KLHL21: variants seen among roughly 807,000 people sequenced by gnomAD.
The protein encoded by KLHL21 is kelch like family member 21, also known as kelch-like protein 21.
Under a neutral mutation model 44.1 loss-of-function variants are expected in KLHL21, and 42 were observed. The observed-to-expected ratio is 0.95, with a 90% confidence interval of 0.74 to 1.23. The LOEUF (loss-of-function observed/expected upper bound fraction) is 1.23, where lower values mean the gene tolerates loss of function less well. KLHL21 is among the 50% of genes most tolerant of loss of function. KLHL21 has a pLI of 0.00. For synonymous variants in KLHL21, 524 were observed against 411.6 expected, an observed-to-expected ratio of 1.27 and a Z score of -3.31; for missense variants, 918 against 889.1, an observed-to-expected ratio of 1.03 and a Z score of -0.41.
chr1:6,597,475 G>A (rs1036459069), intron 2 of KLHL21, among the ~76,000 whole-genome samples: 1 of 152,214 alleles, frequency 6.6e-6, no homozygotes, highest in Non-Finnish European at 1.5e-5. Context: ...GGAGAGCCGG[G>A]CAAAGGGTCA....
Position 6,599,187 on chromosome 1 carries a change from G to A in KLHL21, c.1287C>T (p.Ser429=). Residue 429 remains serine, a synonymous_variant, in exon 2 of 4, where the codon TCC becomes TCT. Coordinates refer to ENST00000377658, the MANE Select transcript of KLHL21 (RefSeq NM_014851.4). ...ACRGRLYAIG[S]LAGKETMVMQ... The stretch of plus-strand genomic sequence containing the variant: ...TCACCATGGTCTCCTTGCCAGCCAG[G>A]GAGCCGATGGCATAGAGCCGGCCAC... 3.7e-6 allele frequency: 6 copies of A among 1,614,158 alleles called. No homozygotes were observed. The highest frequency in any genetic ancestry group is 3.4e-6 in the Non-Finnish European group (4 of 1,180,034).
chr1:6,596,759 C>A (rs988725384), intron 2 of KLHL21, among the ~76,000 whole-genome samples: 4 of 152,198 alleles, frequency 2.6e-5, no homozygotes, highest in African/African-American at 9.7e-5. Context: ...AGCCCAGAGG[C>A]TGGACAGAGC....
rs764228027 is a variant in KLHL21 at position 6,602,510 on chromosome 1, C to A, written c.308G>T (p.Gly103Val). The change falls in exon 1 of 4, where the codon GGC (glycine) becomes GTC (valine). Residue 103 changes from glycine to valine, a missense_variant. Transcript: ENST00000377658. Reference protein sequence around the residue: ...FSYTGRVAVSGDNAEPLLRAA... With the variant: ...FSYTGRVAVSVDNAEPLLRAA... ...GCGCAGCAGCGGCTCAGCGTTGTCG[C>A]CGCTTACCGCCACGCGGCCCGTGTA... 55 of 1,544,254 alleles carry A rather than the reference C, an allele frequency of 3.6e-5. No individual in the cohort carries two copies. The highest frequency in any genetic ancestry group is 4.2e-5 in the Non-Finnish European group (48 of 1,150,926).
chr1:6,601,066 T>C (rs577015833), intron 1 of KLHL21, among the ~76,000 whole-genome samples: 10 of 152,296 alleles, frequency 6.6e-5, no homozygotes, highest in African/African-American at 1.9e-4. Context: ...TTTCCTTATA[T>C]AGCAGTCACA....
rs1160927322 is a variant in KLHL21, at chr1:6,590,808, T to C, written c.*2557A>G. 6 of 397,220 alleles carry C rather than the reference T, an allele frequency of 1.5e-5. No homozygotes were observed. Among genetic ancestry groups the C allele is most frequent in the Non-Finnish European group, 2.2e-5 (5 of 225,576 alleles). 24.6% of individuals were successfully genotyped at this position (397,220 alleles called of 1,614,324 possible). ...ATTCTGGACATGGAAGCCTACAGAA[T>C]AGACAAAAATAAATATGTCAACCTG... On this transcript the variant is annotated 3_prime_UTR_variant, in exon 4 of 4. Transcript: ENST00000377658.
In KLHL21 at chr1:6,591,407, A is replaced by G. The variant is rs1479262687; in HGVS notation, c.*1958T>C. On this transcript the variant is annotated 3_prime_UTR_variant, in exon 4 of 4. Transcript: ENST00000377658. ...CAAAGCCGCAAAAAAGACTGAGAAA[A>G]CAGGAACCCAGAGTTCCACAGGGGC... The G allele has an allele frequency of 5.9e-6, 1 of 169,686 alleles. No homozygotes were observed. Among genetic ancestry groups the G allele is most frequent in the Admixed American group, 6.3e-5 (1 of 15,764 alleles). 10.5% of individuals were successfully genotyped at this position (169,686 alleles called of 1,614,324 possible). A position where few individuals can be genotyped will look rare whatever the true frequency, so the allele number is the denominator to read the frequency against.
chr1:6,602,055 G>C lies in KLHL21; in HGVS notation c.763C>G (p.Arg255Gly). 1 of 1,520,032 alleles carries C rather than the reference G, an allele frequency of 6.6e-7. No homozygotes were observed. 94.2% of individuals were successfully genotyped at this position (1,520,032 alleles called of 1,614,324 possible). A position where few individuals can be genotyped will look rare whatever the true frequency, so the allele number is the denominator to read the frequency against. Residue 255 changes from arginine to glycine, a missense_variant, in exon 1 of 4, where the codon CGC (arginine) becomes GGC (glycine). Physicochemically the swap from Arg to Gly is moderately radical, Grantham distance 125. Transcript: ENST00000377658. ...ARCPPCLRLL[R>G]EARDFQAARY... Reference sequence around the variant, plus strand: ...GCCGCCTGGAAGTCGCGCGCCTCGCGCAGCAGGCGCAGGCAGGGTGGGCAG... The same window carrying C: ...GCCGCCTGGAAGTCGCGCGCCTCGCCCAGCAGGCGCAGGCAGGGTGGGCAG...
Position 6,593,281 on chromosome 1 carries a change from T to G in KLHL21, c.*84A>C. On this transcript the variant is annotated 3_prime_UTR_variant, in exon 4 of 4. Transcript: ENST00000377658. ...CTGTGCTCCTCCTGTGAGCCCAACGTGTCCTTGTGCACAAAGGAGTGGGGC... is the reference window on the plus strand; with the variant it reads ...CTGTGCTCCTCCTGTGAGCCCAACGGGTCCTTGTGCACAAAGGAGTGGGGC... The G allele has an allele frequency of 1.4e-6, 2 of 1,381,808 alleles. No homozygotes were observed. The highest frequency in any genetic ancestry group is 2.0e-6 in the Non-Finnish European group (2 of 1,025,368). 85.6% of individuals were successfully genotyped at this position (1,381,808 alleles called of 1,614,324 possible). A position where few individuals can be genotyped will look rare whatever the true frequency, so the allele number is the denominator to read the frequency against.
At chr1:6,593,898 TC>T in intron 3 of KLHL21, 1 of 1,298,818 alleles carries the variant, frequency 7.7e-7, no homozygotes. Context: ...GCGCCAGGCC[TC>T]CCCGTGTGCA....
At chr1:6,593,702 T>C in intron 3 of KLHL21, 44 bp from the exon 4 acceptor site, 2 of 1,521,010 alleles carry the variant, frequency 1.3e-6, no homozygotes, top group Non-Finnish European at 1.8e-6. Context: ...GAGGAGAGGG[T>C]AGGGCAGGGC....
intron 2 of KLHL21, among the ~76,000 whole-genome samples, chr1:6,598,247 C>T (rs1002078784): frequency 2.0e-5 from 3 of 152,124 alleles, no homozygotes; most frequent in African/African-American, 7.2e-5. Context: ...CCAGCCGGGG[C>T]AATACAGCGA....
At chr1:6,595,214 G>A (rs956650218) in intron 3 of KLHL21, 1 of 602,258 alleles carries the variant, frequency 1.7e-6, no homozygotes, top group Admixed American at 2.9e-5. Flanking sequence ...TGTATGCCTT[G>A]CTCCCTCACT....
Position 6,593,674 on chromosome 1 carries a change from ATGAG to A in KLHL21, c.1501-20_1501-17del. On this transcript the variant is annotated splice_polypyrimidine_tract_variant and intron_variant, in intron 3 of 3. Coordinates refer to ENST00000377658, the MANE Select transcript of KLHL21 (RefSeq NM_014851.4). ...CCACATGTACCTGTGGGCCAAAGGG[ATGAG>A]TGAGTGGAGGTCAGAGGAGAGGGTA... The A allele has an allele frequency of 3.2e-6, 5 of 1,556,794 alleles. No homozygotes were observed. Among genetic ancestry groups the A allele is most frequent in the Non-Finnish European group, 4.4e-6 (5 of 1,148,740 alleles).
At chr1:6,593,798 G>A (rs1640888005) in intron 3 of KLHL21, 140 bp from the exon 4 acceptor site, 7 of 1,386,716 alleles carry the variant, frequency 5.0e-6, no homozygotes, top group Non-Finnish European at 6.5e-6. Context: ...GCAGCAGAGA[G>A]GCCAACCCCT....
Position 6,602,486 on chromosome 1 carries a change from C to A in KLHL21, c.332G>T (p.Arg111Leu), listed in dbSNP as rs1301470187. The change falls in exon 1 of 4, where the codon CGC (arginine) becomes CTC (leucine). Residue 111 changes from arginine (R) to leucine (L), a missense_variant. Transcript: ENST00000377658. ...VSGDNAEPLL[R>L]AADLLQFPAV... ...CGGGAACTGCAGCAGGTCGGCGGCG[C>A]GCAGCAGCGGCTCAGCGTTGTCGCC... The A allele has an allele frequency of 6.4e-7, 1 of 1,555,610 alleles. No homozygotes were observed. Among genetic ancestry groups the A allele is most frequent in the South Asian group, 1.2e-5 (1 of 85,412 alleles).
At position 6,602,846 on chromosome 1, in the gene KLHL21, C is replaced by A. The variant is rs1183519340; in HGVS notation, c.-29G>T. Reference sequence around the variant, plus strand: ...GCCTTCGATAGGTTGTCGAGGACGCCGCGGCCGGGGCCTGCGGAGAGACGC... The same window carrying A: ...GCCTTCGATAGGTTGTCGAGGACGCAGCGGCCGGGGCCTGCGGAGAGACGC... On this transcript the variant is annotated 5_prime_UTR_variant, in exon 1 of 4. Transcript: ENST00000377658. The A allele has an allele frequency of 7.2e-7, 1 of 1,387,576 alleles. No homozygotes were observed. The highest frequency in any genetic ancestry group is 1.6e-5 in the South Asian group (1 of 64,266). 86.0% of individuals were successfully genotyped at this position (1,387,576 alleles called of 1,614,324 possible). A position where few individuals can be genotyped will look rare whatever the true frequency, so the allele number is the denominator to read the frequency against.
chr1:6,602,755 C>A lies in KLHL21; in HGVS notation c.63G>T (p.Leu21=). 6.6e-7 allele frequency: 1 copy of A among 1,509,840 alleles called. No individual in the cohort carries two copies. The allele number at this position is 1,509,840 out of a possible 1,614,324, so 93.5% of individuals were successfully genotyped here. ...CGCGCAGCTGGCTCAGGCCGCGCAG[C>A]AGGCTCAGGGCGTGCGCGGGGTCCG... ...PFSDPAHALS[L]LRGLSQLRAE... The change falls in exon 1 of 4, where the codon CTG becomes CTT. Residue 21 remains leucine, a synonymous_variant. Transcript: ENST00000377658.
chr1:6,600,548 G>A (rs1434887167), intron 1 of KLHL21, among the ~76,000 whole-genome samples: 1 of 152,202 alleles, frequency 6.6e-6, no homozygotes, highest in Admixed American at 6.5e-5. Context: ...AGGGAGAAAA[G>A]CAAGTTCTTG....
chr1:6,593,741 C>T (rs1311360703), intron 3 of KLHL21, 83 bp from the exon 4 acceptor site: 8 of 1,466,084 alleles, frequency 5.5e-6, no homozygotes, highest in Non-Finnish European at 7.2e-6. Flanking sequence ...GGAGACAAGG[C>T]ATGCCCTGTC....
Sources: allele counts gnomAD v4.1 joint callset (sites outside exome capture counted in the v4.1 genomes callset), GRCh38; gene constraint gnomAD v4.1.1; transcripts MANE v1.5; gene names NCBI Gene and HGNC (gene_info 2026-07-23, HGNC 2026-07-21).